The following DPY19L4 variants were observed in gnomAD, a reference collection of about 807,000 sequenced individuals.
DPY19L4 encodes dpy-19 like 4, also known as probable C-mannosyltransferase DPY19L4.
Under a neutral mutation model 102.8 loss-of-function variants are expected in DPY19L4, and 97 were observed. That is an observed-to-expected ratio of 0.94 (90% CI 0.80 to 1.12). The LOEUF is 1.12. Ranked by LOEUF, DPY19L4 falls within the 50% of genes most tolerant of loss-of-function variation. The probability of loss-of-function intolerance (pLI) is 0.00; values close to 1 mark genes in which losing one functional copy is unlikely to be tolerated. For missense variants in DPY19L4, 815 were observed against 850.4 expected (o/e 0.96, Z 0.52); for synonymous variants, 252 against 283.1 (o/e 0.89, Z 1.10).
intron 13 of DPY19L4, among the ~76,000 whole-genome samples, chr8:94,776,327 A>G (rs1437305736): frequency 1.3e-5 from 2 of 151,506 alleles, no homozygotes; most frequent in African/African-American, 2.4e-5. Context: ...GCCACCGCAC[A>G]TGGCCAGATT....
chr8:94,788,093 ATAT>A, intron 18 of DPY19L4, 41 bp downstream of exon 18: 3 of 1,061,196 alleles, frequency 2.8e-6, no homozygotes, highest in African/African-American at 1.8e-5. Flanking sequence ...GTATATATAT[ATAT>A]TTTTTTTTTA....
intron 13 of DPY19L4, among the ~76,000 whole-genome samples, chr8:94,775,778 T>G (rs1430661195): frequency 6.6e-6 from 1 of 152,188 alleles, no homozygotes; most frequent in Non-Finnish European, 1.5e-5. Flanking sequence ...TCCTTAGTAT[T>G]TATTACAAAA....
intron 13 of DPY19L4, among the ~76,000 whole-genome samples, chr8:94,772,872 C>T (rs754330766): frequency 1.3e-5 from 2 of 152,156 alleles, no homozygotes; most frequent in Non-Finnish European, 2.9e-5. Context: ...AAGGTTAATC[C>T]TTTACTGCAC....
Position 94,767,596 on chromosome 8 carries a change from G to A in DPY19L4, c.1176-799G>A, listed in dbSNP as rs190580818. Among the ~76,000 whole-genome samples the A allele has an allele frequency of 7.0e-4, 106 of 152,154 alleles. 1 individual carries two copies. Among genetic ancestry groups the A allele is most frequent in the Admixed American group, 1.4e-3 (21 of 15,264 alleles). ...CGTGAGCCACCTTGCCTGGCTCAAC[G>A]AGGAGTCTTGTTGATCATACTTAGA... is the stretch of plus-strand genomic sequence containing the variant. On this transcript the variant is annotated intron_variant, in intron 11 of 18. Coordinates refer to ENST00000414645, the MANE Select transcript of DPY19L4 (RefSeq NM_181787.3).
chr8:94,732,619 T>C (rs1279477127), intron 2 of DPY19L4, among the ~76,000 whole-genome samples: 3 of 152,124 alleles, frequency 2.0e-5, no homozygotes, highest in Non-Finnish European at 2.9e-5. Flanking sequence ...TCAAAACTTA[T>C]TGAGTTGTAC....
At chr8:94,767,760 C>CAAT (rs1481523671) in intron 11 of DPY19L4, among the ~76,000 whole-genome samples, 1 of 151,862 alleles carries the variant, frequency 6.6e-6, no homozygotes, top group Non-Finnish European at 1.5e-5. Flanking sequence ...TAGGTCTATC[C>CAAT]AATAATAATA....
chr8:94,780,956 C>T (rs774348461), intron 15 of DPY19L4, 128 bp from the exon 16 acceptor site: 18 of 640,270 alleles, frequency 2.8e-5, no homozygotes, highest in African/African-American at 7.7e-5. Flanking sequence ...TCCATGCGAA[C>T]GGTGTTGTAA....
chr8:94,747,054 T>C (rs958614074), intron 6 of DPY19L4, among the ~76,000 whole-genome samples: 3 of 152,126 alleles, frequency 2.0e-5, no homozygotes, highest in Admixed American at 6.6e-5. Context: ...TGGTTTTTTT[T>C]TGTTGCTGTT....
chr8:94,778,531 C>T (rs1375214537), intron 14 of DPY19L4, among the ~76,000 whole-genome samples: 1 of 152,134 alleles, frequency 6.6e-6, no homozygotes, highest in East Asian at 1.9e-4. Flanking sequence ...CTGTCCCCTG[C>T]TCCCTCCGCT....
chr8:94,773,213 C>CAAAAAAAAAA (rs1319486647), intron 13 of DPY19L4, among the ~76,000 whole-genome samples: 1 of 67,556 alleles, frequency 1.5e-5, no homozygotes, highest in Non-Finnish European at 3.4e-5. Flanking sequence ...GACTCCGTAT[C>CAAAAAAAAAA]AAAAAAAAAA....
chr8:94,744,475 A>G (rs1400732257), intron 6 of DPY19L4: 1 of 456,696 alleles, frequency 2.2e-6, no homozygotes. Context: ...ACTCTGCCAT[A>G]TTTTGTCAGT....
In DPY19L4 at chr8:94,770,570, G is replaced by A. The variant is rs1812882830; in HGVS notation, c.1453G>A (p.Gly485Ser). The change falls in exon 13 of 19, where the codon GGC (glycine) becomes AGC (serine). Residue 485 changes from glycine to serine, a missense_variant and splice_region_variant. Gly to Ser is a moderately conservative substitution (Grantham distance 56, BLOSUM62 0). Transcript: ENST00000414645. Reference sequence around the variant, plus strand: ...GGGTTCTCTTGCAATGGTTATAGAAGGGTAAGTGTACTTTATTTGATCCCT... The same window carrying A: ...GGGTTCTCTTGCAATGGTTATAGAAAGGTAAGTGTACTTTATTTGATCCCT... ...LLGSLAMVIEGLKYIWIPYVC... is the reference protein window; with the variant it reads ...LLGSLAMVIESLKYIWIPYVC... The A allele has an allele frequency of 6.2e-7, 1 of 1,613,114 alleles. No individual in the cohort carries two copies. The highest frequency in any genetic ancestry group is 1.7e-5 in the Admixed American group (1 of 59,834).
intron 7 of DPY19L4, among the ~76,000 whole-genome samples, chr8:94,761,444 T>C (rs1812390313): frequency 6.6e-6 from 1 of 152,178 alleles, no homozygotes; most frequent in African/African-American, 2.4e-5. Flanking sequence ...TTTCTTCCCC[T>C]TTGTCTTCCT....
At chr8:94,730,807 G>A (rs1810916356) in intron 2 of DPY19L4, among the ~76,000 whole-genome samples, 1 of 136,370 alleles carries the variant, frequency 7.3e-6, no homozygotes, top group African/African-American at 2.7e-5. Context: ...GTGCAGTGGT[G>A]TGATCTCAGC....
chr8:94,738,759 G>C (rs1490122274), intron 4 of DPY19L4, among the ~76,000 whole-genome samples: 3 of 151,886 alleles, frequency 2.0e-5, no homozygotes, highest in Non-Finnish European at 4.4e-5. Flanking sequence ...TGATCTGCCC[G>C]CCTCAGCCTC....
intron 6 of DPY19L4, among the ~76,000 whole-genome samples, chr8:94,749,750 G>A (rs1267094500): frequency 6.6e-6 from 1 of 151,982 alleles, no homozygotes; most frequent in Non-Finnish European, 1.5e-5. Context: ...ATTTAACCAG[G>A]GAATGATAAA....
At chr8:94,762,772 G>C (rs1030365166) in intron 8 of DPY19L4, among the ~76,000 whole-genome samples, 2 of 152,018 alleles carry the variant, frequency 1.3e-5, no homozygotes, top group African/African-American at 4.8e-5. Flanking sequence ...TGGGGTGGGG[G>C]CTGAGGCGGG....
chr8:94,731,822 G>T (rs1228948486), intron 2 of DPY19L4, among the ~76,000 whole-genome samples: 1 of 152,058 alleles, frequency 6.6e-6, no homozygotes, highest in African/African-American at 2.4e-5. Flanking sequence ...TGCGATCTCG[G>T]CTCGCTGCAA....
intron 6 of DPY19L4, among the ~76,000 whole-genome samples, chr8:94,751,767 G>T (rs1381595137): frequency 6.6e-6 from 1 of 152,188 alleles, no homozygotes; most frequent in Non-Finnish European, 1.5e-5. Context: ...TGGGATTACA[G>T]GTGTGAGCAA....
Sources: gnomAD v4.1 joint callset for allele counts (sites outside exome capture counted in the v4.1 genomes callset) on GRCh38, gnomAD v4.1.1 for gene constraint, MANE v1.5 for transcripts, NCBI Gene and HGNC (gene_info 2026-07-23, HGNC 2026-07-21) for gene names.